MCF2L2: variants seen among roughly 807,000 people sequenced by gnomAD.
MCF2L2 encodes the protein MCF.2 cell line derived transforming sequence-like 2.
MCF2L2 carries 102 observed loss-of-function variants against 150.2 expected under a neutral mutation model. The observed-to-expected ratio is 0.68, with a 90% CI of 0.58 to 0.80. The LOEUF (loss-of-function observed/expected upper bound fraction) is 0.80, where lower values mean the gene tolerates loss of function less well. MCF2L2 is among the 30% of genes least tolerant of loss of function. The probability of loss-of-function intolerance (pLI) is 0.00; values close to 1 mark genes in which losing one functional copy is unlikely to be tolerated. For synonymous variants in MCF2L2, 465 were observed against 491.3 expected (o/e 0.95, Z 0.71); for missense variants, 1,256 against 1,372.8 (o/e 0.91, Z 1.34).
rs568305242 is a variant in MCF2L2, at chr3:183,340,768, C to T, written c.366+772G>A. ...GACCAGCCTAGTCAACATGGTGAAACCCCGTCTCTACTAAAAATACACAAA... is the reference window on the plus strand; with the variant it reads ...GACCAGCCTAGTCAACATGGTGAAATCCCGTCTCTACTAAAAATACACAAA... On this transcript the variant is annotated intron_variant, in intron 4 of 29. Transcript: ENST00000328913. 3.9e-5 allele frequency among the ~76,000 whole-genome samples: 6 copies of T among 152,104 alleles called. No individual in the cohort carries two copies. The South Asian group carries it at 1.0e-3, about 26-fold the overall frequency.
chr3:183,267,717 G>A lies in MCF2L2; in HGVS notation c.1862+9155C>T, dbSNP rs956095290. Among the ~76,000 whole-genome samples the A allele has an allele frequency of 1.3e-5, 2 of 152,218 alleles. No homozygotes were observed. The highest frequency in any genetic ancestry group is 2.4e-5 in the African/African-American group (1 of 41,454). ...GAAGTGTTTTACCTGTGGTAAGCAC[G>A]GGGGACAGAATTCTTGAGGAAGGAG... On this transcript the variant is annotated intron_variant, in intron 15 of 29. Transcript: ENST00000328913. This position sits in a 1 kb window ranked among gnomAD's most constrained non-coding sequence, Gnocchi z 5.5.
chr3:183,417,900 T>C (rs1006780458), intron 1 of MCF2L2, among the ~76,000 whole-genome samples: 4 of 152,084 alleles, frequency 2.6e-5, no homozygotes, highest in African/African-American at 9.7e-5. Flanking sequence ...ACTGCCACTT[T>C]TAAAACCATC....
In MCF2L2 at chr3:183,428,571, G is replaced by A. The variant is rs1358013914; in HGVS notation, c.-594C>T. The A allele has an allele frequency of 6.6e-6, 1 of 152,460 alleles. No individual in the cohort carries two copies. The highest frequency in any genetic ancestry group is 1.5e-5 in the Non-Finnish European group (1 of 68,272). 9.4% of individuals were successfully genotyped at this position (152,460 alleles called of 1,614,324 possible). On this transcript the variant is annotated 5_prime_UTR_variant, in exon 1 of 30. Transcript: ENST00000328913. The surrounding 1 kb of genome is among the most constrained non-coding windows in gnomAD (Gnocchi z 5.1). ...GGGGAGCCCGCGCTCCACCCCCGGA[G>A]TGGAGCTCCGGTCCTTACTCGGAAC...
intron 1 of MCF2L2, among the ~76,000 whole-genome samples, chr3:183,418,242 T>A (rs962899970): frequency 6.6e-6 from 1 of 152,054 alleles, no homozygotes; most frequent in Non-Finnish European, 1.5e-5. Context: ...TCCCCCACTA[T>A]CATGAGAACA....
intron 6 of MCF2L2, among the ~76,000 whole-genome samples, 165 bp from the exon 7 acceptor site, chr3:183,318,382 G>C (rs909266976): frequency 1.3e-5 from 2 of 152,166 alleles, no homozygotes; most frequent in Non-Finnish European, 2.9e-5. Flanking sequence ...AAAGAGGCTG[G>C]TTTTAGTCTC....
chr3:183,373,032 T>C (rs1300114756), intron 3 of MCF2L2: 4 of 152,336 alleles, frequency 2.6e-5, no homozygotes, highest in African/African-American at 4.8e-5. Context: ...ATTTTACTAA[T>C]GTCTTTTCAG....
rs190242860 is a variant in MCF2L2 at position 183,222,890 on chromosome 3, G to A, written c.2301+456C>T. On this transcript the variant is annotated intron_variant, in intron 20 of 29. Coordinates refer to ENST00000328913, the MANE Select transcript of MCF2L2 (RefSeq NM_015078.4). ...GAGAGAAAACCACTTAGGGGTTCAG[G>A]GTTCAGATATAGCAAAGTTCATTCT... Among the ~76,000 whole-genome samples, 195 of 152,264 alleles carry A rather than the reference G, an allele frequency of 1.3e-3. 1 individual carries two copies. Among genetic ancestry groups the A allele is most frequent in the Admixed American group, 2.1e-3 (32 of 15,308 alleles).
chr3:183,314,907 CTTTTTT>C lies in MCF2L2; in HGVS notation c.754-3141_754-3136del, dbSNP rs869078971. On this transcript the variant is annotated intron_variant, in intron 7 of 29. Coordinates refer to ENST00000328913, the MANE Select transcript of MCF2L2 (RefSeq NM_015078.4). ...TAAACAGTATCTCTTTTTTTCTTTT[CTTTTTT>C]TTTTTTTTTTTTTTTTTTTTTTTTT... Among the ~76,000 whole-genome samples, 22 of 13,800 alleles carry C rather than the reference CTTTTTT, an allele frequency of 1.6e-3. 1 individual carries two copies. Among genetic ancestry groups the C allele is most frequent in the Non-Finnish European group, 1.7e-3 (13 of 7,472 alleles). The allele number at this position is 13,800 out of a possible 152,430, so 9.1% of individuals were successfully genotyped here.
chr3:183,291,966 G>A lies in MCF2L2; in HGVS notation c.1676-2746C>T, dbSNP rs145369018. On this transcript the variant is annotated intron_variant, in intron 13 of 29. Transcript: ENST00000328913. ...AGATGTGAACATAGTTTAGCTTGAG[G>A]ACAGACGAAAGGTCAAGAGAACCAA... is the stretch of plus-strand genomic sequence containing the variant. 6.7e-4 allele frequency among the ~76,000 whole-genome samples: 102 copies of A among 152,308 alleles called. 4 individuals are homozygous for A. The East Asian group carries it at 0.018, about 26-fold the overall frequency.
At chr3:183,310,629 C>G in intron 9 of MCF2L2, 1 of 339,802 alleles carries the variant, frequency 2.9e-6, no homozygotes, top group Non-Finnish European at 5.6e-6. Flanking sequence ...CACCACTGCA[C>G]TCCGGCCGGA....
At chr3:183,370,997 T>G (rs185466795) in intron 3 of MCF2L2, among the ~76,000 whole-genome samples, 1 of 152,350 alleles carries the variant, frequency 6.6e-6, no homozygotes, top group East Asian at 1.9e-4. Flanking sequence ...CTGTACACTC[T>G]GGATGTACAT....
intron 25 of MCF2L2, among the ~76,000 whole-genome samples, chr3:183,200,679 T>C (rs1207758444): frequency 6.6e-6 from 1 of 152,252 alleles, no homozygotes; most frequent in Non-Finnish European, 1.5e-5. Context: ...TTTGGTGTTT[T>C]AGTCATGAAG....
At chr3:183,243,075 C>A (rs550935015) in intron 15 of MCF2L2, among the ~76,000 whole-genome samples, 2 of 152,346 alleles carry the variant, frequency 1.3e-5, no homozygotes, top group Admixed American at 6.5e-5. Flanking sequence ...AATGTCTACA[C>A]CCACATTTTA....
chr3:183,213,602 C>T (rs1576927423), intron 22 of MCF2L2, among the ~76,000 whole-genome samples: 1 of 152,162 alleles, frequency 6.6e-6, no homozygotes, highest in East Asian at 1.9e-4. Flanking sequence ...TGTAATAAAA[C>T]TCTACAAAAT....
chr3:183,324,553 T>A (rs1729946510), intron 5 of MCF2L2, among the ~76,000 whole-genome samples: 1 of 152,132 alleles, frequency 6.6e-6, no homozygotes, highest in Non-Finnish European at 1.5e-5. Context: ...AAGGAATGAA[T>A]CCACTTTGGA....
chr3:183,351,234 A>ATATATT (rs1553786140), intron 3 of MCF2L2, among the ~76,000 whole-genome samples: 102 of 60,312 alleles, frequency 1.7e-3, no homozygotes, highest in Middle Eastern at 0.016. Context: ...ATATATATAT[A>ATATATT]TATTTATTTA....
intron 3 of MCF2L2, among the ~76,000 whole-genome samples, chr3:183,360,471 G>A (rs1712066391): frequency 6.6e-6 from 1 of 152,100 alleles, no homozygotes; most frequent in Non-Finnish European, 1.5e-5. Context: ...GGAGGCTGAA[G>A]TAGGAGGATT....
At chr3:183,188,001 G>C (rs2108631668) in intron 27 of MCF2L2, among the ~76,000 whole-genome samples, 1 of 152,320 alleles carries the variant, frequency 6.6e-6, no homozygotes, top group Non-Finnish European at 1.5e-5. Context: ...TGGTGAGGAG[G>C]TAGGGCTGCT....
intron 18 of MCF2L2, chr3:183,228,031 A>G (rs1723411786): frequency 2.4e-6 from 1 of 415,064 alleles, no homozygotes; most frequent in African/African-American, 2.0e-5. Flanking sequence ...ATACATATAC[A>G]CACACACACA....
Sources: allele counts gnomAD v4.1 joint callset (sites outside exome capture counted in the v4.1 genomes callset), GRCh38; gene constraint gnomAD v4.1.1; non-coding constraint Gnocchi (gnomAD v3.1); transcripts MANE v1.5; gene names NCBI Gene and HGNC (gene_info 2026-07-23, HGNC 2026-07-21).